ACTN2: variants seen among roughly 807,000 people sequenced by gnomAD.
ACTN2 encodes the protein actinin alpha 2, also known as alpha-actinin-2.
In ACTN2, 39 loss-of-function variants were observed where a neutral mutation model predicts 113.8. The observed-to-expected ratio is 0.34, with a 90% CI of 0.27 to 0.45. The LOEUF is 0.45. Ranked by LOEUF, ACTN2 falls within the 20% of genes least tolerant of loss-of-function variation. ACTN2 has a pLI of 1.00. For missense variants in ACTN2, 992 were observed against 1,177.9 expected (o/e 0.84, Z 2.31); for synonymous variants, 429 against 444.1 (o/e 0.97, Z 0.43).
intron 7 of ACTN2, among the ~76,000 whole-genome samples, chr1:236,734,239 A>T (rs1303534583): frequency 2.6e-5 from 4 of 152,094 alleles, no homozygotes; most frequent in Admixed American, 2.6e-4. Context: ...GTTTCCTTTG[A>T]CTATTCTCAA....
At chr1:236,748,220 A>G (rs1194705341) in intron 13 of ACTN2, 1 of 201,204 alleles carries the variant, frequency 5.0e-6, no homozygotes. Context: ...TAAGTGTAAG[A>G]CACAGTGGGT....
intron 1 of ACTN2, among the ~76,000 whole-genome samples, chr1:236,692,874 G>A (rs972601210): frequency 3.9e-5 from 6 of 152,088 alleles, no homozygotes; most frequent in African/African-American, 1.4e-4. Context: ...AGAAAGCACC[G>A]CAGTCGGTTG....
At chr1:236,706,487 T>C (rs1426852515) in intron 1 of ACTN2, among the ~76,000 whole-genome samples, 3 of 152,180 alleles carry the variant, frequency 2.0e-5, no homozygotes, top group Non-Finnish European at 4.4e-5. Flanking sequence ...TTTCCTACCC[T>C]TTAATTTGAG....
rs570433944 is a variant in ACTN2, at chr1:236,746,091, G to A, written c.1406+1315G>A. Among the ~76,000 whole-genome samples, 8 of 149,630 alleles carry A rather than the reference G, an allele frequency of 5.3e-5. No homozygotes were observed. In the South Asian group the frequency reaches 6.3e-4, roughly 12 times the overall value. ...TGAGGCAGGAGAATGGTGTGAACCCGGGAGGCGGAACTTGCAGTGAGCCGA... is the reference window on the plus strand; with the variant it reads ...TGAGGCAGGAGAATGGTGTGAACCCAGGAGGCGGAACTTGCAGTGAGCCGA... On this transcript the variant is annotated intron_variant, in intron 12 of 20. Coordinates refer to ENST00000366578, the MANE Select transcript of ACTN2 (RefSeq NM_001103.4).
intron 1 of ACTN2, among the ~76,000 whole-genome samples, chr1:236,706,887 C>T (rs1284046743): frequency 1.3e-5 from 2 of 152,136 alleles, no homozygotes; most frequent in African/African-American, 4.8e-5. Context: ...TGAGTGATGG[C>T]AGAGGTGAAT....
At chr1:236,709,232 A>G (rs943918515) in intron 1 of ACTN2, among the ~76,000 whole-genome samples, 7 of 64,982 alleles carry the variant, frequency 1.1e-4, no homozygotes, top group East Asian at 4.5e-4. Context: ...ATATATATAT[A>G]TATATATATA....
At chr1:236,695,130 G>A (rs1226585790) in intron 1 of ACTN2, among the ~76,000 whole-genome samples, 1 of 151,718 alleles carries the variant, frequency 6.6e-6, no homozygotes, top group Admixed American at 6.6e-5. Flanking sequence ...CCTTTGGGAG[G>A]CTGAGGCAGG....
intron 9 of ACTN2, 83 bp downstream of exon 9, chr1:236,737,297 G>GTTATATATATATATATATATATATA: frequency 6.3e-6 from 2 of 318,342 alleles, no homozygotes; most frequent in Non-Finnish European, 1.3e-5. Flanking sequence ...CTCCGTGGGG[G>GTTATATATATATATATATATATATA]CATATATATA....
In ACTN2 at chr1:236,686,709, C is replaced by T. The variant is rs1302783639; in HGVS notation, c.36C>T (p.Tyr12=). The change falls in exon 1 of 21, where the codon TAC becomes TAT. Residue 12 remains tyrosine, a synonymous_variant. Transcript: ENST00000366578. ...NQIEPGVQYN[Y]VYDEDEYMIQ... ...TAGAGCCCGGCGTGCAGTACAACTA[C>T]GTGTACGACGAGGATGAGTACATGA... 2 of 1,567,630 alleles carry T rather than the reference C, an allele frequency of 1.3e-6. No homozygotes were observed. Among genetic ancestry groups the T allele is most frequent in the Non-Finnish European group, 1.7e-6 (2 of 1,156,870 alleles).
chr1:236,709,255 T>TATACACACACAC (rs796606511), intron 1 of ACTN2, among the ~76,000 whole-genome samples: 34 of 68,890 alleles, frequency 4.9e-4, no homozygotes, highest in African/African-American at 1.4e-3. Flanking sequence ...TATATATATA[T>TATACACACACAC]ACACACACAC....
intron 1 of ACTN2, among the ~76,000 whole-genome samples, chr1:236,709,228 A>G (rs1386807859): frequency 3.9e-4 from 21 of 54,504 alleles, no homozygotes; most frequent in East Asian, 2.7e-3. Flanking sequence ...CTGTATATAT[A>G]TATATATATA....
At chr1:236,752,798 C>G (rs1659438286) in intron 15 of ACTN2, among the ~76,000 whole-genome samples, 1 of 152,084 alleles carries the variant, frequency 6.6e-6, no homozygotes, top group Admixed American at 6.5e-5. Context: ...GGTGATCCAC[C>G]CACCTCAGCC....
intron 1 of ACTN2, 25 bp downstream of exon 1, chr1:236,686,824 C>A (rs1230212365): frequency 1.4e-6 from 2 of 1,455,008 alleles, no homozygotes; most frequent in Non-Finnish European, 1.8e-6. Context: ...GCGGGCCGCC[C>A]GCGCGTGGTG....
intron 1 of ACTN2, among the ~76,000 whole-genome samples, chr1:236,707,003 A>G (rs1243219813): frequency 1.3e-5 from 2 of 152,226 alleles, no homozygotes; most frequent in East Asian, 3.8e-4. Context: ...TCCTTTTGCA[A>G]TGGAAAGCAA....
chr1:236,755,519 C>A (rs1421578509), intron 17 of ACTN2, among the ~76,000 whole-genome samples: 1 of 152,168 alleles, frequency 6.6e-6, no homozygotes, highest in African/African-American at 2.4e-5. Flanking sequence ...CCCTGGGAGC[C>A]AGCAGGTATA....
intron 5 of ACTN2, among the ~76,000 whole-genome samples, chr1:236,726,942 A>G (rs1475427810): frequency 2.0e-5 from 3 of 152,188 alleles, no homozygotes; most frequent in Non-Finnish European, 4.4e-5. Context: ...TAGTTGGCCC[A>G]AGTACTTCAG....
chr1:236,743,249 T>G (rs1222523299), intron 11 of ACTN2, among the ~76,000 whole-genome samples: 1 of 152,198 alleles, frequency 6.6e-6, no homozygotes, highest in African/African-American at 2.4e-5. Context: ...GTAATCTATT[T>G]CTTCCCAAAA....
At chr1:236,743,812 C>T (rs1390912573) in intron 11 of ACTN2, among the ~76,000 whole-genome samples, 3 of 152,094 alleles carry the variant, frequency 2.0e-5, no homozygotes, top group East Asian at 3.8e-4. Context: ...CTGTGTGCCC[C>T]GGATGAATTC....
At position 236,686,530 on chromosome 1, in the gene ACTN2, C is replaced by T. The variant is rs887110909; in HGVS notation, c.-144C>T. ...GGTGCTTCGCCCGAGACCCAGCGCC[C>T]AGGCGTGTCGCCCCGAGAGGAGCCG... On this transcript the variant is annotated 5_prime_UTR_variant, in exon 1 of 21. Coordinates refer to ENST00000366578, the MANE Select transcript of ACTN2 (RefSeq NM_001103.4). 9 of 970,602 alleles carry T rather than the reference C, an allele frequency of 9.3e-6. No homozygotes were observed. The highest frequency in any genetic ancestry group is 8.8e-5 in the African/African-American group (5 of 57,120). 60.1% of individuals were successfully genotyped at this position (970,602 alleles called of 1,614,324 possible). A position where few individuals can be genotyped will look rare whatever the true frequency, so the allele number is the denominator to read the frequency against.
Sources: allele counts gnomAD v4.1 joint callset (sites outside exome capture counted in the v4.1 genomes callset), GRCh38; gene constraint gnomAD v4.1.1; transcripts MANE v1.5; gene names NCBI Gene and HGNC (gene_info 2026-07-23, HGNC 2026-07-21).